The following UNC5D variants were observed in gnomAD, a reference collection of about 807,000 sequenced individuals.
UNC5D encodes netrin receptor UNC5D.
In UNC5D, 39 loss-of-function variants were observed where a neutral mutation model predicts 105.4. The observed-to-expected ratio is 0.37, with a 90% CI of 0.29 to 0.48. The LOEUF is 0.48. Ranked by LOEUF, UNC5D falls within the 20% of genes least tolerant of loss-of-function variation. The probability of loss-of-function intolerance (pLI) is 0.98; values close to 1 mark genes in which losing one functional copy is unlikely to be tolerated. For synonymous variants in UNC5D, 452 were observed against 450.4 expected (o/e 1.00, Z -0.04); for missense variants, 991 against 1,202.4 (o/e 0.82, Z 2.60).
intron 1 of UNC5D, among the ~76,000 whole-genome samples, chr8:35,246,866 TATTGAACACTG>T (rs1462066023): frequency 1.3e-5 from 2 of 152,164 alleles, no homozygotes; most frequent in Admixed American, 1.3e-4. Flanking sequence ...CATGGCCCTT[TATTGAACACTG>T]ATTTGATCAC....
intron 1 of UNC5D, among the ~76,000 whole-genome samples, chr8:35,246,959 C>G (rs1478351486): frequency 6.6e-6 from 1 of 151,860 alleles, no homozygotes; most frequent in Non-Finnish European, 1.5e-5. Context: ...TAAAAAGGGC[C>G]CTAAAATTTC....
Position 35,781,574 on chromosome 8 carries a change from A to C in UNC5D, c.2657+7097A>C, listed in dbSNP as rs548338607. On this transcript the variant is annotated intron_variant, in intron 16 of 16. Transcript: ENST00000404895. ...TGCTGTTTCAAATAGTACTGAAAAA[A>C]GTTAACAATGTCAGTACATCTGAAT... Among the ~76,000 whole-genome samples the C allele has an allele frequency of 7.4e-4, 113 of 152,328 alleles. 1 individual carries two copies. The highest frequency in any genetic ancestry group is 2.4e-3 in the African/African-American group (101 of 41,576).
chr8:35,758,026 C>A (rs1017654732), intron 13 of UNC5D, among the ~76,000 whole-genome samples: 1 of 152,182 alleles, frequency 6.6e-6, no homozygotes, highest in African/African-American at 2.4e-5. Flanking sequence ...TAATGGACCA[C>A]ACAGAGATAG....
In UNC5D at chr8:35,622,673, T is replaced by C. The variant is rs186148622; in HGVS notation, c.570+27016T>C. ...AGTAGTATTAGATAATAAAATCTAA[T>C]AAGACTTTTTTTATGTTATTGTTTG... On this transcript the variant is annotated intron_variant, in intron 4 of 16. Coordinates refer to ENST00000404895, the MANE Select transcript of UNC5D (RefSeq NM_080872.4). 3.3e-5 allele frequency among the ~76,000 whole-genome samples: 5 copies of C among 152,338 alleles called. No homozygotes were observed. In the East Asian group the frequency reaches 9.7e-4, roughly 29 times the overall value.
chr8:35,283,533 A>T (rs1401569347), intron 1 of UNC5D, among the ~76,000 whole-genome samples: 1 of 152,132 alleles, frequency 6.6e-6, no homozygotes, highest in East Asian at 1.9e-4. Flanking sequence ...AGGCCAGGGC[A>T]GGCGGATCAC....
At chr8:35,404,910 A>G (rs1323388987) in intron 1 of UNC5D, among the ~76,000 whole-genome samples, 1 of 152,150 alleles carries the variant, frequency 6.6e-6, no homozygotes, top group Non-Finnish European at 1.5e-5. Flanking sequence ...TCTTATGTAC[A>G]TTCAAGTTGG....
chr8:35,678,887 A>G (rs2131317286), intron 4 of UNC5D, among the ~76,000 whole-genome samples: 1 of 151,388 alleles, frequency 6.6e-6, no homozygotes, highest in African/African-American at 2.4e-5. Flanking sequence ...TTAAACTCTC[A>G]CCCTTAATAT....
chr8:35,767,054 A>G lies in UNC5D; in HGVS notation c.2466A>G (p.Thr822=). 6.2e-7 allele frequency: 1 copy of G among 1,613,176 alleles called. No individual in the cohort carries two copies. The change falls in exon 15 of 17, where the codon ACA becomes ACG. Residue 822 remains threonine (T), a synonymous_variant. Transcript: ENST00000404895. ...KGHEQILQVQ[T]SILESERETI... is the part of the protein sequence containing the mutation. ...ATGAACAGATCCTCCAAGTGCAGACATCAATCCTAGAGGTGAGTCCTTGAT... is the reference window on the plus strand; with the variant it reads ...ATGAACAGATCCTCCAAGTGCAGACGTCAATCCTAGAGGTGAGTCCTTGAT...
intron 4 of UNC5D, among the ~76,000 whole-genome samples, chr8:35,607,030 T>G (rs1281653209): frequency 6.6e-6 from 1 of 152,184 alleles, no homozygotes; most frequent in Non-Finnish European, 1.5e-5. Flanking sequence ...CCCAGCACCC[T>G]ACACTTGAAG....
At position 35,600,876 on chromosome 8, in the gene UNC5D, T is replaced by C. The variant is rs375082117; in HGVS notation, c.570+5219T>C. 2.5e-4 allele frequency among the ~76,000 whole-genome samples: 38 copies of C among 152,298 alleles called. 1 individual carries two copies. The East Asian group carries it at 7.1e-3, about 29-fold the overall frequency. On this transcript the variant is annotated intron_variant, in intron 4 of 16. Coordinates refer to ENST00000404895, the MANE Select transcript of UNC5D (RefSeq NM_080872.4). ...GTTTTAGACATGAAGACCTTGCCCA[T>C]GCCTATGTCCTGAATGGTATTGCCT...
intron 1 of UNC5D, among the ~76,000 whole-genome samples, chr8:35,265,185 G>A (rs1306669547): frequency 6.9e-6 from 1 of 144,386 alleles, no homozygotes; most frequent in Non-Finnish European, 1.6e-5. Flanking sequence ...CTACTCTTAG[G>A]TTATATTAAG....
chr8:35,634,757 C>CTT (rs1193381864), intron 4 of UNC5D, among the ~76,000 whole-genome samples: 1 of 143,926 alleles, frequency 6.9e-6, no homozygotes, highest in African/African-American at 2.5e-5. Context: ...TTTTTCTTTT[C>CTT]TTTTTTTTTT....
chr8:35,547,143 G>A (rs892580400), intron 1 of UNC5D, among the ~76,000 whole-genome samples: 1 of 152,134 alleles, frequency 6.6e-6, no homozygotes, highest in East Asian at 1.9e-4. Flanking sequence ...CTATGCATGT[G>A]TGTTTCCAGT....
intron 1 of UNC5D, among the ~76,000 whole-genome samples, chr8:35,374,173 C>A (rs1259892361): frequency 6.6e-6 from 1 of 152,094 alleles, no homozygotes; most frequent in Non-Finnish European, 1.5e-5. Flanking sequence ...TTTGCTTTTA[C>A]CATAAACTAT....
intron 1 of UNC5D, among the ~76,000 whole-genome samples, chr8:35,380,089 G>GC (rs1331398216): frequency 8.9e-6 from 1 of 111,858 alleles, no homozygotes; most frequent in Admixed American, 9.1e-5. Context: ...ATTGGGGGTG[G>GC]GGGGGGGGTC....
At chr8:35,576,488 G>A (rs1818097258) in intron 3 of UNC5D, among the ~76,000 whole-genome samples, 1 of 152,160 alleles carries the variant, frequency 6.6e-6, no homozygotes, top group African/African-American at 2.4e-5. Context: ...GTGTTTCTAT[G>A]GCCACAGCTC....
intron 1 of UNC5D, among the ~76,000 whole-genome samples, chr8:35,403,568 C>T (rs746124427): frequency 6.6e-6 from 1 of 152,188 alleles, no homozygotes; most frequent in Non-Finnish European, 1.5e-5. Flanking sequence ...TTTGGCAAAA[C>T]ACATAACAAT....
chr8:35,627,400 A>G (rs1821753415), intron 4 of UNC5D, among the ~76,000 whole-genome samples: 1 of 152,202 alleles, frequency 6.6e-6, no homozygotes, highest in Non-Finnish European at 1.5e-5. Context: ...GAGCACACTC[A>G]GGGCATCTTT....
intron 7 of UNC5D, among the ~76,000 whole-genome samples, chr8:35,700,990 A>G (rs1248554898): frequency 6.6e-6 from 1 of 152,226 alleles, no homozygotes; most frequent in East Asian, 1.9e-4. Flanking sequence ...AAAATACAAA[A>G]CAGTTAACAC....
Sources: allele counts gnomAD v4.1 joint callset (sites outside exome capture counted in the v4.1 genomes callset), GRCh38; gene constraint gnomAD v4.1.1; transcripts MANE v1.5; gene names NCBI Gene and HGNC (gene_info 2026-07-23, HGNC 2026-07-21).